Variants in GLRA1 observed in about 807,000 individuals in gnomAD.
GLRA1 encodes the protein glycine receptor alpha 1, also known as glycine receptor subunit alpha-1.
In GLRA1, 37 loss-of-function variants were observed where a neutral mutation model predicts 48.3. The observed-to-expected ratio is 0.77, with a 90% CI of 0.59 to 1.01. GLRA1 has a LOEUF of 1.01. Among genes scored for constraint, GLRA1 ranks in the 50% least tolerant of loss-of-function variants. The pLI, the probability that GLRA1 is intolerant of heterozygous loss-of-function variation, is 0.00. For missense variants in GLRA1, 427 were observed against 571.0 expected (o/e 0.75, Z 2.57); for synonymous variants, 196 against 210.7 (o/e 0.93, Z 0.60).
intron 4 of GLRA1, 29 bp from the exon 5 acceptor site, chr5:151,856,412 C>T (rs374463144): frequency 7.1e-7 from 1 of 1,409,734 alleles, no homozygotes; most frequent in Non-Finnish European, 1.0e-6. Context: ...TTGAATGATG[C>T]AGGATCTGCA....
intron 3 of GLRA1, among the ~76,000 whole-genome samples, chr5:151,880,598 T>A (rs891951570): frequency 1.3e-4 from 20 of 151,116 alleles, no homozygotes; most frequent in Admixed American, 3.9e-4. Flanking sequence ...ACACACTCTC[T>A]CTCTCTCTCT....
intron 7 of GLRA1, chr5:151,850,813 C>T (rs766952699): frequency 1.6e-5 from 12 of 764,056 alleles, no homozygotes; most frequent in Admixed American, 7.5e-5. Flanking sequence ...GACCTCCAGC[C>T]GTCGAGCCCC....
At chr5:151,845,170 A>G (rs914993572) in intron 7 of GLRA1, among the ~76,000 whole-genome samples, 3 of 152,314 alleles carry the variant, frequency 2.0e-5, no homozygotes, top group Non-Finnish European at 2.9e-5. Flanking sequence ...GCATTAATCT[A>G]TTCATGAGGA....
At chr5:151,897,769 A>G (rs1754258431) in intron 1 of GLRA1, among the ~76,000 whole-genome samples, 2 of 152,202 alleles carry the variant, frequency 1.3e-5, no homozygotes, top group Admixed American at 1.3e-4. Flanking sequence ...GGTGGACAGG[A>G]TGAGGAACAA....
intron 1 of GLRA1, among the ~76,000 whole-genome samples, chr5:151,914,262 C>T (rs1754686162): frequency 6.6e-6 from 1 of 152,190 alleles, no homozygotes. Context: ...CTGAGTTTCC[C>T]ACAGGCCATG....
At chr5:151,870,171 A>T (rs1481967530) in intron 3 of GLRA1, among the ~76,000 whole-genome samples, 1 of 149,708 alleles carries the variant, frequency 6.7e-6, no homozygotes, top group East Asian at 1.9e-4. Context: ...CACTGAGCCC[A>T]TGTGACAGAC....
At chr5:151,901,530 T>C (rs1006992438) in intron 1 of GLRA1, among the ~76,000 whole-genome samples, 3 of 152,222 alleles carry the variant, frequency 2.0e-5, no homozygotes, top group Admixed American at 6.5e-5. Context: ...GAAGAGCAAA[T>C]GGCTCTCATT....
chr5:151,846,315 G>A (rs1441560759), intron 7 of GLRA1, among the ~76,000 whole-genome samples: 1 of 152,172 alleles, frequency 6.6e-6, no homozygotes, highest in African/African-American at 2.4e-5. Flanking sequence ...AGAATGTTGA[G>A]TCTAGTGTAA....
intron 7 of GLRA1, among the ~76,000 whole-genome samples, chr5:151,831,241 G>A (rs562878511): frequency 6.6e-6 from 1 of 152,348 alleles, no homozygotes; most frequent in African/African-American, 2.4e-5. Context: ...CAGACACCGA[G>A]CTAGCTGCAG....
rs745317657 is a variant in GLRA1 at position 151,924,498 on chromosome 5, A to G, written c.52T>C (p.Phe18Leu). Residue 18 changes from phenylalanine (F) to leucine (L), a missense_variant, in exon 1 of 9, where the codon TTC becomes CTC. Physicochemically the swap from Phe to Leu is conservative, Grantham distance 22 (BLOSUM62 0). Around this residue, in one of 4 missense-constraint regions of GLRA1, gnomAD observed 271 missense variants for 434.9 expected, o/e 0.62. Coordinates refer to ENST00000274576, the MANE Select transcript of GLRA1 (RefSeq NM_000171.4). ...GGTCAGTAGAAAATTGCATACCTGA[A>G]GAATACAATGGTCTCCCAAAGGTAG... ...RLYLWETIVF[F>L]SLAASKEAEA... is the part of the protein sequence containing the mutation. The G allele has an allele frequency of 6.3e-7, 1 of 1,585,204 alleles. No individual in the cohort carries two copies. The highest frequency in any genetic ancestry group is 8.7e-7 in the Non-Finnish European group (1 of 1,153,516).
At position 151,856,289 on chromosome 5, in the gene GLRA1, C is replaced by A; in HGVS notation, c.559+12G>T. On this transcript the variant is annotated intron_variant, in intron 5 of 8. Transcript: ENST00000274576. Reference sequence around the variant, plus strand: ...CCTGGTTCTTTCTAGAGGACTCATGCAAGACACTCACAGCTTTCCAGTTGC... The same window carrying A: ...CCTGGTTCTTTCTAGAGGACTCATGAAAGACACTCACAGCTTTCCAGTTGC... 6.3e-7 allele frequency: 1 copy of A among 1,588,342 alleles called. No individual in the cohort carries two copies. The highest frequency in any genetic ancestry group is 1.1e-5 in the South Asian group (1 of 90,580).
At chr5:151,905,065 A>G (rs927858295) in intron 1 of GLRA1, among the ~76,000 whole-genome samples, 45 of 152,214 alleles carry the variant, frequency 3.0e-4, no homozygotes, top group African/African-American at 1.1e-3. Flanking sequence ...ACAGAGCAGT[A>G]ATTGCTGCTG....
chr5:151,893,884 A>T (rs1754163589), intron 1 of GLRA1, among the ~76,000 whole-genome samples: 1 of 152,134 alleles, frequency 6.6e-6, no homozygotes, highest in Admixed American at 6.5e-5. Context: ...CAGTAATGGG[A>T]TTGCTGGGTC....
At chr5:151,901,980 C>T (rs1754378157) in intron 1 of GLRA1, among the ~76,000 whole-genome samples, 1 of 152,156 alleles carries the variant, frequency 6.6e-6, no homozygotes, top group African/African-American at 2.4e-5. Flanking sequence ...ATTGACTCTT[C>T]CAAGTGATAG....
intron 3 of GLRA1, among the ~76,000 whole-genome samples, chr5:151,884,770 C>G (rs984331424): frequency 2.0e-5 from 3 of 152,212 alleles, no homozygotes; most frequent in African/African-American, 7.2e-5. Context: ...TGGTCCACTC[C>G]CTGACTTGGC....
intron 7 of GLRA1, among the ~76,000 whole-genome samples, chr5:151,840,321 A>G (rs1371518047): frequency 6.6e-6 from 1 of 152,052 alleles, no homozygotes; most frequent in African/African-American, 2.4e-5. Flanking sequence ...CTGGTCTTGG[A>G]CTACTGAGCT....
chr5:151,886,865 C>G lies in GLRA1; in HGVS notation c.185-77G>C. On this transcript the variant is annotated intron_variant, in intron 2 of 8. Transcript: ENST00000274576. ...CAGGGTAGGACTCATTCCCAGAACA[C>G]TGACTTCTGGAATGGATCGCCTTTG... 3.8e-6 allele frequency: 4 copies of G among 1,043,172 alleles called. No homozygotes were observed. The South Asian group carries it at 5.0e-5, about 13-fold the overall frequency. The allele number at this position is 1,043,172 out of a possible 1,614,324, so 64.6% of individuals were successfully genotyped here.
chr5:151,893,261 A>G (rs1754130026), intron 1 of GLRA1, among the ~76,000 whole-genome samples: 1 of 151,054 alleles, frequency 6.6e-6, no homozygotes, highest in Admixed American at 6.6e-5. Context: ...ATGTATTAAG[A>G]ACATGACCCT....
intron 4 of GLRA1, among the ~76,000 whole-genome samples, chr5:151,859,297 C>T (rs1338980656): frequency 6.6e-6 from 1 of 152,134 alleles, no homozygotes; most frequent in Non-Finnish European, 1.5e-5. Flanking sequence ...TACTCCACAT[C>T]TGGAGAAGGA....
Sources: allele counts gnomAD v4.1 joint callset (sites outside exome capture counted in the v4.1 genomes callset), GRCh38; gene constraint gnomAD v4.1.1; regional missense constraint gnomAD v4.1.1; transcripts MANE v1.5; gene names NCBI Gene and HGNC (gene_info 2026-07-23, HGNC 2026-07-21).